Variants in XIRP2 observed in about 807,000 individuals in gnomAD.
XIRP2 encodes xin actin binding repeat containing 2.
A neutral mutation model predicts 277.0 loss-of-function variants in XIRP2; 236 were observed. That is an observed-to-expected ratio of 0.85 (90% confidence interval 0.77 to 0.95). The LOEUF (loss-of-function observed/expected upper bound fraction) is 0.95. Ranked by LOEUF, XIRP2 falls within the 40% of genes least tolerant of loss-of-function variation. The pLI, the probability that XIRP2 is intolerant of heterozygous loss-of-function variation, is 0.00. For synonymous variants in XIRP2, 1,490 were observed against 1,416.5 expected (o/e 1.05, Z -1.17); for missense variants, 4,640 against 4,157.5 (o/e 1.12, Z -3.19).
chr2:166,928,170 G>A (rs1333081813), intron 2 of XIRP2, among the ~76,000 whole-genome samples: 1 of 152,120 alleles, frequency 6.6e-6, no homozygotes, highest in Non-Finnish European at 1.5e-5. Context: ...TATGTAAAAT[G>A]AGCGTAGTTA....
At chr2:166,924,095 AG>A (rs1225480235) in intron 2 of XIRP2, among the ~76,000 whole-genome samples, 2 of 152,236 alleles carry the variant, frequency 1.3e-5, no homozygotes, top group Non-Finnish European at 2.9e-5. Flanking sequence ...CAGTGGATAT[AG>A]TTGAGTATCT....
chr2:167,159,083 T>C (rs1467171130), intron 3 of XIRP2, among the ~76,000 whole-genome samples: 1 of 152,068 alleles, frequency 6.6e-6, no homozygotes, highest in Non-Finnish European at 1.5e-5. Flanking sequence ...CACCGGATGG[T>C]GGAAACGTTC....
chr2:167,118,884 T>C (rs1210171658), intron 2 of XIRP2, among the ~76,000 whole-genome samples: 1 of 151,792 alleles, frequency 6.6e-6, no homozygotes, highest in South Asian at 2.1e-4. Context: ...GACCAAGAAA[T>C]AAGAAGAAAG....
intron 2 of XIRP2, among the ~76,000 whole-genome samples, chr2:167,008,270 T>C (rs550640890): frequency 1.3e-5 from 2 of 151,780 alleles, no homozygotes; most frequent in South Asian, 2.1e-4. Context: ...GTCATTCTTC[T>C]CTCTGTCTTA....
intron 5 of XIRP2, among the ~76,000 whole-genome samples, chr2:167,225,138 T>C (rs1694554956): frequency 1.3e-5 from 2 of 152,356 alleles, no homozygotes; most frequent in Non-Finnish European, 2.9e-5. Flanking sequence ...AAATTTGTTT[T>C]CTTAAGTGGG....
intron 10 of XIRP2, among the ~76,000 whole-genome samples, chr2:167,254,790 A>C (rs1695613350): frequency 6.6e-6 from 1 of 151,878 alleles, no homozygotes; most frequent in Non-Finnish European, 1.5e-5. Context: ...TCTCTGGAGC[A>C]AACAGAAACA....
intron 2 of XIRP2, among the ~76,000 whole-genome samples, chr2:167,133,201 A>G (rs559030171): frequency 2.3e-4 from 35 of 152,300 alleles, no homozygotes; most frequent in African/African-American, 8.2e-4. Context: ...AAGCTTCTAG[A>G]TTTTTACTCA....
At chr2:167,145,803 A>G (rs1352949473) in intron 3 of XIRP2, among the ~76,000 whole-genome samples, 2 of 152,208 alleles carry the variant, frequency 1.3e-5, no homozygotes, top group Non-Finnish European at 2.9e-5. Context: ...TGCAGAGTAC[A>G]TGACAGGAAT....
chr2:167,171,286 G>A (rs929259484), intron 3 of XIRP2, among the ~76,000 whole-genome samples: 3 of 152,010 alleles, frequency 2.0e-5, no homozygotes, highest in Non-Finnish European at 4.4e-5. Context: ...CATGTTTTTA[G>A]CATTATCATT....
chr2:167,137,871 A>G (rs1691600958), intron 3 of XIRP2, among the ~76,000 whole-genome samples: 1 of 150,466 alleles, frequency 6.6e-6, no homozygotes, highest in Non-Finnish European at 1.5e-5. Context: ...AAAGAAACAA[A>G]ATTCTTTCAT....
intron 2 of XIRP2, among the ~76,000 whole-genome samples, chr2:166,945,839 T>TTTTG (rs1170646781): frequency 3.2e-4 from 49 of 152,090 alleles, no homozygotes; most frequent in Middle Eastern, 3.4e-3. Flanking sequence ...ACCCGGCTAA[T>TTTTG]TTTGTTTGTT....
intron 2 of XIRP2, among the ~76,000 whole-genome samples, chr2:166,999,032 C>T (rs1351565406): frequency 1.3e-5 from 2 of 152,046 alleles, no homozygotes; most frequent in African/African-American, 4.8e-5. Flanking sequence ...TTAAAATTGT[C>T]TTTTGGCTTT....
intron 2 of XIRP2, among the ~76,000 whole-genome samples, chr2:167,009,414 A>G (rs1385156916): frequency 6.6e-6 from 1 of 151,892 alleles, no homozygotes; most frequent in Non-Finnish European, 1.5e-5. Flanking sequence ...TTATGGCTGC[A>G]TAGTATTCCA....
At chr2:167,068,445 G>T (rs1689356845) in intron 2 of XIRP2, among the ~76,000 whole-genome samples, 1 of 152,074 alleles carries the variant, frequency 6.6e-6, no homozygotes, top group African/African-American at 2.4e-5. Context: ...TCTTTTACAA[G>T]AATAAGTTTT....
chr2:166,899,701 G>C (rs1684329877), intron 1 of XIRP2, among the ~76,000 whole-genome samples: 1 of 152,040 alleles, frequency 6.6e-6, no homozygotes, highest in Non-Finnish European at 1.5e-5. Flanking sequence ...CTTGCCTTCT[G>C]GTCTTCATGG....
At chr2:167,110,473 G>C (rs1690721519) in intron 2 of XIRP2, among the ~76,000 whole-genome samples, 1 of 152,096 alleles carries the variant, frequency 6.6e-6, no homozygotes, top group African/African-American at 2.4e-5. Context: ...AAGATCAGAT[G>C]GTTGTAGGTG....
chr2:167,147,940 A>G (rs1691904746), intron 3 of XIRP2, among the ~76,000 whole-genome samples: 1 of 152,216 alleles, frequency 6.6e-6, no homozygotes, highest in African/African-American at 2.4e-5. Context: ...ATTCTTCAAG[A>G]GCAAAAATTA....
At chr2:166,954,704 G>A (rs1420985801) in intron 2 of XIRP2, among the ~76,000 whole-genome samples, 2 of 151,950 alleles carry the variant, frequency 1.3e-5, no homozygotes, top group Non-Finnish European at 1.5e-5. Flanking sequence ...TAAAGAAAAT[G>A]TAGTACATAT....
At chr2:167,114,085 A>T (rs1690830209) in intron 2 of XIRP2, among the ~76,000 whole-genome samples, 1 of 152,242 alleles carries the variant, frequency 6.6e-6, no homozygotes, top group Non-Finnish European at 1.5e-5. Context: ...AATCTTGAAG[A>T]ATTTCATGAT....
Sources: allele counts gnomAD v4.1 joint callset (sites outside exome capture counted in the v4.1 genomes callset), GRCh38; gene constraint gnomAD v4.1.1; transcripts MANE v1.5; gene names NCBI Gene and HGNC (gene_info 2026-07-23, HGNC 2026-07-21).